Variants in SH3RF3 observed in about 807,000 individuals in gnomAD.
The protein encoded by SH3RF3 is SH3 domain containing ring finger 3.
In SH3RF3, 29 loss-of-function variants were observed where a neutral mutation model predicts 66.3. The observed-to-expected ratio is 0.44, with a 90% CI of 0.33 to 0.60. The LOEUF (loss-of-function observed/expected upper bound fraction) is 0.60, where lower values mean the gene tolerates loss of function less well. Ranked by LOEUF, SH3RF3 falls within the 20% of genes least tolerant of loss-of-function variation. SH3RF3 has a pLI of 0.04. For missense variants in SH3RF3, 1,194 were observed against 1,190.9 expected (o/e 1.00, Z -0.04); for synonymous variants, 583 against 532.0 (o/e 1.10, Z -1.32).
chr2:109,366,863 A>C (rs1415234375), intron 2 of SH3RF3, among the ~76,000 whole-genome samples: 1 of 152,200 alleles, frequency 6.6e-6, no homozygotes, highest in East Asian at 1.9e-4. Context: ...AAAAACAAAT[A>C]AATAAATAAA....
chr2:109,170,910 T>C (rs940839414), intron 1 of SH3RF3, among the ~76,000 whole-genome samples: 5 of 152,096 alleles, frequency 3.3e-5, no homozygotes, highest in African/African-American at 1.2e-4. Flanking sequence ...ATAAATCACC[T>C]CACTAAGCAG....
chr2:109,326,830 G>T (rs1320095518), intron 1 of SH3RF3, among the ~76,000 whole-genome samples: 1 of 152,216 alleles, frequency 6.6e-6, no homozygotes, highest in Non-Finnish European at 1.5e-5. Flanking sequence ...TCTCATGGGA[G>T]AGTATCCGTA....
chr2:109,222,678 T>A (rs570578364), intron 1 of SH3RF3, among the ~76,000 whole-genome samples: 17 of 152,342 alleles, frequency 1.1e-4, no homozygotes, highest in Non-Finnish European at 2.1e-4. Flanking sequence ...GGCCAGGCCT[T>A]CCCTGTACCT....
chr2:109,365,699 A>G (rs772377411), intron 2 of SH3RF3, among the ~76,000 whole-genome samples: 15 of 152,134 alleles, frequency 9.9e-5, no homozygotes, highest in Admixed American at 8.5e-4. Context: ...GTTTTATTTC[A>G]TTGATCTTCT....
At chr2:109,344,794 G>A (rs1682647169) in intron 1 of SH3RF3, among the ~76,000 whole-genome samples, 1 of 152,154 alleles carries the variant, frequency 6.6e-6, no homozygotes, top group African/African-American at 2.4e-5. Flanking sequence ...CAGCTGAGTG[G>A]GGATTTCATG....
chr2:109,430,184 T>A (rs1351995916), intron 5 of SH3RF3, among the ~76,000 whole-genome samples: 1 of 152,222 alleles, frequency 6.6e-6, no homozygotes, highest in Non-Finnish European at 1.5e-5. Flanking sequence ...CTGAGTTGCA[T>A]ACTGTTGCCC....
At chr2:109,409,890 A>C (rs978077069) in intron 4 of SH3RF3, among the ~76,000 whole-genome samples, 3 of 152,104 alleles carry the variant, frequency 2.0e-5, no homozygotes, top group African/African-American at 7.2e-5. Flanking sequence ...TGCCCATTTC[A>C]CTGCTCCTTG....
chr2:109,334,984 G>A (rs1468596206), intron 1 of SH3RF3, among the ~76,000 whole-genome samples: 1 of 152,212 alleles, frequency 6.6e-6, no homozygotes, highest in African/African-American at 2.4e-5. Context: ...GTCCTGGTGC[G>A]AGGCTCTGAG....
At chr2:109,266,744 C>T (rs1680505391) in intron 1 of SH3RF3, among the ~76,000 whole-genome samples, 1 of 152,178 alleles carries the variant, frequency 6.6e-6, no homozygotes, top group African/African-American at 2.4e-5. Context: ...ACGCTTGCTT[C>T]ATTAACAGCC....
In SH3RF3 at chr2:109,490,671, C is replaced by T; in HGVS notation, c.2215C>T (p.Pro739Ser). 2.6e-6 allele frequency: 4 copies of T among 1,521,854 alleles called. No homozygotes were observed. The highest frequency in any genetic ancestry group is 3.5e-6 in the Non-Finnish European group (4 of 1,135,490). The allele number at this position is 1,521,854 out of a possible 1,614,324, so 94.3% of individuals were successfully genotyped here. A position where few individuals can be genotyped will look rare whatever the true frequency, so the allele number is the denominator to read the frequency against. ...GASTKKKSRS[P>S]PSVSPTHDPQ... is the part of the protein sequence containing the mutation. ...ATCCACCAAGAAGAAGTCACGCTCC[C>T]CGCCATCTGTGTCTCCAACCCACGA... The change falls in exon 9 of 10, where the codon CCG (proline) becomes TCG (serine). Residue 739 changes from proline (P) to serine (S), a missense_variant. Physicochemically the swap from Pro to Ser is moderately conservative, Grantham distance 74 (BLOSUM62 -1). Transcript: ENST00000309415.
chr2:109,490,126 A>G (rs1321790674), intron 8 of SH3RF3, among the ~76,000 whole-genome samples: 1 of 152,218 alleles, frequency 6.6e-6, no homozygotes, highest in Non-Finnish European at 1.5e-5. Flanking sequence ...ACCATTCTCC[A>G]TGGGTCTCTC....
chr2:109,350,197 G>A (rs1043808561), intron 2 of SH3RF3, among the ~76,000 whole-genome samples: 3 of 152,166 alleles, frequency 2.0e-5, no homozygotes, highest in Non-Finnish European at 4.4e-5. Flanking sequence ...GGGGGTAGCC[G>A]AGCAGGGGTC....
rs1483924081 is a variant in SH3RF3 at position 109,449,400 on chromosome 2, G to A, written c.2059G>A (p.Gly687Arg). The A allele has an allele frequency of 6.2e-6, 10 of 1,613,302 alleles. No individual in the cohort carries two copies. The highest frequency in any genetic ancestry group is 4.0e-5 in the African/African-American group (3 of 75,048). ...CAACGTCAGTGCCGCAAACCTCAAC[G>A]GGGAGGCTGGAGGGGGGCCCATCGG... The part of the protein sequence containing the change: ...PPNVSAANLN[G>R]EAGGGPIGVL... The change falls in exon 8 of 10, where the codon GGG becomes AGG. Residue 687 changes from glycine to arginine, a missense_variant. Gly to Arg is a moderately radical substitution (Grantham distance 125). Coordinates refer to ENST00000309415, the MANE Select transcript of SH3RF3 (RefSeq NM_001099289.3).
At chr2:109,279,854 A>G (rs1010666232) in intron 1 of SH3RF3, among the ~76,000 whole-genome samples, 5 of 151,604 alleles carry the variant, frequency 3.3e-5, no homozygotes, top group African/African-American at 1.2e-4. Context: ...CCTGCCCTGT[A>G]GCGAGGCTTA....
At chr2:109,349,430 C>T (rs903434821) in intron 2 of SH3RF3, among the ~76,000 whole-genome samples, 5 of 152,138 alleles carry the variant, frequency 3.3e-5, no homozygotes, top group African/African-American at 9.7e-5. Context: ...AGTCGGAGGG[C>T]GAGAGCAACA....
intron 3 of SH3RF3, among the ~76,000 whole-genome samples, chr2:109,393,945 G>A (rs554721987): frequency 2.0e-5 from 3 of 151,972 alleles, no homozygotes; most frequent in Admixed American, 6.5e-5. Context: ...ATACTCTGGC[G>A]CTGTCGTGGA....
In SH3RF3 at chr2:109,419,532, T is replaced by A. The variant is rs770712198; in HGVS notation, c.1300-7T>A. ...CCTCACTCCTGTCCCCTCTTGTCTG[T>A]TTCCAGGATGTCTCCTCCTCGGCGG... is the stretch of plus-strand genomic sequence containing the variant. On this transcript the variant is annotated splice_polypyrimidine_tract_variant and splice_region_variant and intron_variant, in intron 4 of 9. Coordinates refer to ENST00000309415, the MANE Select transcript of SH3RF3 (RefSeq NM_001099289.3). 3.1e-6 allele frequency: 5 copies of A among 1,587,550 alleles called. No homozygotes were observed. The Admixed American group carries it at 8.9e-5, about 28-fold the overall frequency.
chr2:109,260,151 A>G (rs1332048346), intron 1 of SH3RF3, among the ~76,000 whole-genome samples: 2 of 152,182 alleles, frequency 1.3e-5, no homozygotes, highest in Non-Finnish European at 2.9e-5. Flanking sequence ...TAGGGAATAA[A>G]TGCATTCCCG....
At chr2:109,388,340 A>G (rs1025779833) in intron 3 of SH3RF3, among the ~76,000 whole-genome samples, 1 of 152,166 alleles carries the variant, frequency 6.6e-6, no homozygotes, top group African/African-American at 2.4e-5. Flanking sequence ...CATGGAACAC[A>G]TCCTAAAGAA....
Sources: allele counts gnomAD v4.1 joint callset (sites outside exome capture counted in the v4.1 genomes callset), GRCh38; gene constraint gnomAD v4.1.1; transcripts MANE v1.5; gene names NCBI Gene and HGNC (gene_info 2026-07-23, HGNC 2026-07-21).